The following RGS7 variants were observed in gnomAD, a reference collection of about 807,000 sequenced individuals.
RGS7 encodes the protein regulator of G-protein signaling 7.
Under a neutral mutation model 81.1 loss-of-function variants are expected in RGS7, and 27 were observed. The observed-to-expected ratio is 0.33, with a 90% CI of 0.25 to 0.46. The LOEUF (loss-of-function observed/expected upper bound fraction) is 0.46. Ranked by LOEUF, RGS7 falls within the 20% of genes least tolerant of loss-of-function variation. RGS7 has a pLI of 1.00. For synonymous variants in RGS7, 208 were observed against 207.7 expected, an observed-to-expected ratio of 1.00 and a Z score of -0.01; for missense variants, 396 against 607.4, an observed-to-expected ratio of 0.65 and a Z score of 3.66.
intron 2 of RGS7, among the ~76,000 whole-genome samples, chr1:241,167,160 T>A (rs2070326198): frequency 6.6e-6 from 1 of 152,128 alleles, no homozygotes; most frequent in Non-Finnish European, 1.5e-5. Flanking sequence ...ACACAGGCAT[T>A]CTGGACTTCA....
At chr1:241,034,253 A>G (rs1317674627) in intron 3 of RGS7, among the ~76,000 whole-genome samples, 2 of 152,188 alleles carry the variant, frequency 1.3e-5, no homozygotes, top group Admixed American at 1.3e-4. Flanking sequence ...CTTGGTCTGC[A>G]TATTTGTGAA....
intron 3 of RGS7, among the ~76,000 whole-genome samples, chr1:241,041,213 T>C (rs1282186195): frequency 6.6e-6 from 1 of 152,236 alleles, no homozygotes; most frequent in Non-Finnish European, 1.5e-5. Context: ...ATTGCTTCAA[T>C]TTTTAGTTTT....
At chr1:240,926,814 A>G (rs2148328059) in intron 6 of RGS7, among the ~76,000 whole-genome samples, 1 of 152,342 alleles carries the variant, frequency 6.6e-6, no homozygotes, top group African/African-American at 2.4e-5. Context: ...AATCTTATCC[A>G]ACTTGATTTT....
At chr1:240,818,598 G>C (rs1691231044) in intron 10 of RGS7, among the ~76,000 whole-genome samples, 2 of 152,124 alleles carry the variant, frequency 1.3e-5, no homozygotes, top group South Asian at 4.1e-4. Flanking sequence ...ATACATAATG[G>C]AACACTATTC....
chr1:240,852,367 A>G (rs1295138064), intron 9 of RGS7, among the ~76,000 whole-genome samples: 1 of 152,366 alleles, frequency 6.6e-6, no homozygotes, highest in East Asian at 1.9e-4. Flanking sequence ...TTGCACACTT[A>G]ATAGACTACA....
chr1:241,009,381 C>T (rs1474350644), intron 3 of RGS7, among the ~76,000 whole-genome samples: 5 of 152,212 alleles, frequency 3.3e-5, no homozygotes, highest in Admixed American at 2.0e-4. Flanking sequence ...ACTTACATGA[C>T]CATTCTCAGC....
In RGS7 at chr1:241,228,435, A is replaced by T. The variant is rs560073154; in HGVS notation, c.78+127264T>A. ...AAGGAGTTTGTTACACATAAAAAAA[A>T]TGACTGAAATAAATGTTATATTATC... On this transcript the variant is annotated intron_variant, in intron 2 of 18. Coordinates refer to ENST00000440928, the MANE Select transcript of RGS7 (RefSeq NM_001364886.1). 2.0e-5 allele frequency among the ~76,000 whole-genome samples: 3 copies of T among 152,368 alleles called. No individual in the cohort carries two copies. In the East Asian group the frequency reaches 5.8e-4, roughly 29 times the overall value.
chr1:241,315,345 T>C (rs1273673866), intron 2 of RGS7, among the ~76,000 whole-genome samples: 4 of 152,028 alleles, frequency 2.6e-5, no homozygotes, highest in Non-Finnish European at 5.9e-5. Context: ...CGTGCTCTCC[T>C]GTCAACAACT....
chr1:241,235,028 C>T (rs1451865636), intron 2 of RGS7, among the ~76,000 whole-genome samples: 1 of 152,132 alleles, frequency 6.6e-6, no homozygotes, highest in Non-Finnish European at 1.5e-5. Context: ...ATTTATTCAT[C>T]ATGATGTTAA....
chr1:241,067,306 A>T (rs1444875899), intron 3 of RGS7, among the ~76,000 whole-genome samples: 1 of 152,042 alleles, frequency 6.6e-6, no homozygotes, highest in Admixed American at 6.5e-5. Context: ...GACATTTAGT[A>T]GGCTCTGTAT....
At chr1:240,820,249 A>G (rs981575948) in intron 10 of RGS7, among the ~76,000 whole-genome samples, 22 of 152,334 alleles carry the variant, frequency 1.4e-4, no homozygotes, top group African/African-American at 5.0e-4. Flanking sequence ...ATTGAGATCC[A>G]TTTTTAGTTT....
At chr1:240,926,240 A>C (rs1243157924) in intron 6 of RGS7, among the ~76,000 whole-genome samples, 1 of 152,146 alleles carries the variant, frequency 6.6e-6, no homozygotes, top group African/African-American at 2.4e-5. Flanking sequence ...AGAATGGTAT[A>C]TCCTAGGTTT....
chr1:241,084,720 C>G (rs1425571212), intron 3 of RGS7, among the ~76,000 whole-genome samples: 2 of 152,176 alleles, frequency 1.3e-5, no homozygotes, highest in African/African-American at 4.8e-5. Context: ...CAAATTTCAA[C>G]AGAAGAGGGC....
Position 241,192,539 on chromosome 1 carries a change from G to C in RGS7, c.79-93777C>G, listed in dbSNP as rs544785238. 2.6e-5 allele frequency among the ~76,000 whole-genome samples: 4 copies of C among 152,194 alleles called. No individual in the cohort carries two copies. The South Asian group carries it at 6.2e-4, about 24-fold the overall frequency. On this transcript the variant is annotated intron_variant, in intron 2 of 18. Transcript: ENST00000440928. ...CCTACTTCAGCTTCTAGAAACAGAA[G>C]TCATCCAGGATTTAGTTTTAAATGA...
At chr1:241,033,829 C>A (rs2060203271) in intron 3 of RGS7, among the ~76,000 whole-genome samples, 1 of 151,736 alleles carries the variant, frequency 6.6e-6, no homozygotes. Context: ...GAATTGCTTG[C>A]AAGAAAGAAG....
intron 2 of RGS7, among the ~76,000 whole-genome samples, chr1:241,137,335 A>G (rs754355048): frequency 6.6e-6 from 1 of 152,222 alleles, no homozygotes; most frequent in Non-Finnish European, 1.5e-5. Flanking sequence ...ACTTTAATGA[A>G]TTATAATTAT....
chr1:241,160,473 G>A (rs1434596522), intron 2 of RGS7, among the ~76,000 whole-genome samples: 2 of 151,698 alleles, frequency 1.3e-5, no homozygotes, highest in Non-Finnish European at 1.5e-5. Flanking sequence ...CCCCTGAACG[G>A]TGTGTGGAAT....
chr1:241,091,792 C>T (rs2063903509), intron 3 of RGS7, among the ~76,000 whole-genome samples: 1 of 151,870 alleles, frequency 6.6e-6, no homozygotes, highest in Admixed American at 6.6e-5. Flanking sequence ...GAGGCTAAGG[C>T]AGGAAGATTG....
At chr1:241,085,478 G>GGATGA (rs1490429152) in intron 3 of RGS7, among the ~76,000 whole-genome samples, 1 of 152,138 alleles carries the variant, frequency 6.6e-6, no homozygotes. Context: ...AGACTGGACT[G>GGATGA]CAGTGGCGTG....
Sources: allele counts gnomAD v4.1 joint callset (sites outside exome capture counted in the v4.1 genomes callset), GRCh38; gene constraint gnomAD v4.1.1; transcripts MANE v1.5; gene names NCBI Gene and HGNC (gene_info 2026-07-23, HGNC 2026-07-21).